CALN1: variants seen among roughly 807,000 people sequenced by gnomAD.
CALN1 encodes calcium-binding protein 8.
Under a neutral mutation model 30.6 loss-of-function variants are expected in CALN1, and 17 were observed. The ratio of observed to expected loss-of-function variants is 0.56; its 90% CI spans 0.38 to 0.83. CALN1 has a LOEUF of 0.83. Among genes scored for constraint, CALN1 ranks in the 40% least tolerant of loss-of-function variants. CALN1 has a pLI of 0.00. For missense variants in CALN1, 291 were observed against 354.9 expected, an observed-to-expected ratio of 0.82 and a Z score of 1.45; for synonymous variants, 156 against 131.4, an observed-to-expected ratio of 1.19 and a Z score of -1.28.
At chr7:71,988,875 T>C (rs1388572893) in intron 5 of CALN1, among the ~76,000 whole-genome samples, 1 of 152,108 alleles carries the variant, frequency 6.6e-6, no homozygotes, top group Admixed American at 6.5e-5. Flanking sequence ...CACAATGACC[T>C]TGTCATGCAG....
At chr7:72,060,204 T>C (rs899437878) in intron 4 of CALN1, among the ~76,000 whole-genome samples, 1 of 152,162 alleles carries the variant, frequency 6.6e-6, no homozygotes, top group Non-Finnish European at 1.5e-5. Context: ...CCTCAACCCA[T>C]GGTAACCTGC....
chr7:72,140,583 C>A (rs1166186749), intron 3 of CALN1, among the ~76,000 whole-genome samples: 1 of 152,252 alleles, frequency 6.6e-6, no homozygotes, highest in East Asian at 1.9e-4. Context: ...GGATTACACC[C>A]CAACCTTGGC....
At chr7:72,292,139 A>C (rs62459264) in intron 2 of CALN1, among the ~76,000 whole-genome samples, 3 of 151,842 alleles carry the variant, frequency 2.0e-5, no homozygotes, top group African/African-American at 7.3e-5. Flanking sequence ...ATTACTTTCA[A>C]TGGCAAAAAT....
chr7:72,074,650 C>T lies in CALN1; in HGVS notation c.388+31501G>A, dbSNP rs533893796. Reference sequence around the variant, plus strand: ...CTCGAACTCCTGACCTCAGATGATCCGCCCACCTTGGCCTCCCAAAGTGTT... The same window carrying T: ...CTCGAACTCCTGACCTCAGATGATCTGCCCACCTTGGCCTCCCAAAGTGTT... On this transcript the variant is annotated intron_variant, in intron 4 of 6. Transcript: ENST00000395275. 4.6e-5 allele frequency among the ~76,000 whole-genome samples: 7 copies of T among 152,260 alleles called. No individual in the cohort carries two copies. In the South Asian group the frequency reaches 8.3e-4, roughly 18 times the overall value.
chr7:72,278,867 T>C, intron 2 of CALN1, 57 bp from the exon 3 acceptor site: 4 of 1,574,092 alleles, frequency 2.5e-6, no homozygotes, highest in South Asian at 1.1e-5. Context: ...CATTCTTCCT[T>C]TCCTTTCTTA....
chr7:72,286,317 G>C (rs1222460978), intron 2 of CALN1, among the ~76,000 whole-genome samples: 1 of 152,036 alleles, frequency 6.6e-6, no homozygotes, highest in Non-Finnish European at 1.5e-5. Flanking sequence ...TTTTCCTCTA[G>C]CTACTCATGG....
chr7:71,834,217 CAAAAA>C (rs11313802), intron 5 of CALN1, among the ~76,000 whole-genome samples: 1 of 48,310 alleles, frequency 2.1e-5, no homozygotes, highest in Non-Finnish European at 3.6e-5. Flanking sequence ...GACTCCATCT[CAAAAA>C]AAAAAAAAAA....
At chr7:72,265,051 G>A (rs1796517942) in intron 3 of CALN1, among the ~76,000 whole-genome samples, 1 of 152,086 alleles carries the variant, frequency 6.6e-6, no homozygotes, top group Non-Finnish European at 1.5e-5. Context: ...CGAACTTCTG[G>A]CCTCCAGTTA....
the CALN1 span, among the ~76,000 whole-genome samples, chr7:72,483,863 G>C: frequency 6.6e-6 from 1 of 151,584 alleles, no homozygotes; most frequent in African/African-American, 2.4e-5. Flanking sequence ...TGAAATATTT[G>C]ATTTGTTATT....
rs1026207549 is a variant in CALN1 at position 72,352,695 on chromosome 7, A to G, written c.119+50556T>C. Among the ~76,000 whole-genome samples, 6 of 152,248 alleles carry G rather than the reference A, an allele frequency of 3.9e-5. No homozygotes were observed. In the South Asian group the frequency reaches 1.2e-3, roughly 32 times the overall value. ...AAATGTTTACTTTACAAAAAGATGA[A>G]AGGTTTAAAGCCAATGTTTTAAGAT... On this transcript the variant is annotated intron_variant, in intron 2 of 6. Transcript: ENST00000395275.
At chr7:72,399,327 G>C (rs1303901714) in intron 2 of CALN1, among the ~76,000 whole-genome samples, 3 of 144,642 alleles carry the variant, frequency 2.1e-5, no homozygotes, top group African/African-American at 7.8e-5. Flanking sequence ...CTGGAGTGCA[G>C]TGGCGCGATC....
chr7:72,049,657 G>A (rs768571097), intron 4 of CALN1, among the ~76,000 whole-genome samples: 5 of 150,438 alleles, frequency 3.3e-5, no homozygotes, highest in African/African-American at 4.9e-5. Context: ...ACAGGCATGC[G>A]CCACCACGCC....
At chr7:72,149,714 C>T (rs1329134766) in intron 3 of CALN1, among the ~76,000 whole-genome samples, 2 of 152,120 alleles carry the variant, frequency 1.3e-5, no homozygotes, top group Admixed American at 6.6e-5. Context: ...TCACACAGCA[C>T]TGCATTGTGA....
intron 3 of CALN1, among the ~76,000 whole-genome samples, chr7:72,113,841 A>T (rs932611735): frequency 2.6e-5 from 4 of 152,148 alleles, no homozygotes; most frequent in African/African-American, 9.7e-5. Flanking sequence ...TGGTTTTAAA[A>T]TATATATTTT....
intron 2 of CALN1, among the ~76,000 whole-genome samples, chr7:72,279,329 A>G (rs1797577002): frequency 6.6e-6 from 1 of 152,166 alleles, no homozygotes; most frequent in Non-Finnish European, 1.5e-5. Context: ...CCAAGCTCTA[A>G]GTAAGTACAT....
At chr7:72,248,234 C>G (rs1430303116) in intron 3 of CALN1, among the ~76,000 whole-genome samples, 2 of 152,144 alleles carry the variant, frequency 1.3e-5, no homozygotes, top group South Asian at 2.1e-4. Flanking sequence ...CCTGCCTCAG[C>G]CTTCCAAGTA....
At chr7:72,046,970 G>C (rs1335372584) in intron 4 of CALN1, among the ~76,000 whole-genome samples, 2 of 152,000 alleles carry the variant, frequency 1.3e-5, no homozygotes, top group Non-Finnish European at 1.5e-5. Context: ...AAGCTGAGGT[G>C]GCAAAATCAC....
chr7:72,261,820 A>G (rs1022341592), intron 3 of CALN1, among the ~76,000 whole-genome samples: 6 of 152,186 alleles, frequency 3.9e-5, no homozygotes, highest in Admixed American at 3.9e-4. Context: ...AACTCTTAAT[A>G]TTGAAGTTGA....
intron 5 of CALN1, among the ~76,000 whole-genome samples, chr7:72,002,362 T>A (rs1413167655): frequency 6.6e-6 from 1 of 152,212 alleles, no homozygotes; most frequent in Non-Finnish European, 1.5e-5. Flanking sequence ...GCCTATTTTA[T>A]AATAAAATGT....
Sources: gnomAD v4.1 joint callset for allele counts (sites outside exome capture counted in the v4.1 genomes callset) on GRCh38, gnomAD v4.1.1 for gene constraint, MANE v1.5 for transcripts, NCBI Gene and HGNC (gene_info 2026-07-23, HGNC 2026-07-21) for gene names.